Variants in IAH1 observed in about 807,000 individuals in gnomAD.
IAH1 encodes the protein isoamyl acetate-hydrolyzing esterase 1 homolog.
IAH1 carries 24 observed loss-of-function variants against 26.7 expected under a neutral mutation model. That is an observed-to-expected ratio of 0.90 (90% CI 0.65 to 1.26). The LOEUF is 1.26. Ranked by LOEUF, IAH1 falls within the 50% of genes most tolerant of loss-of-function variation. The pLI, the probability that IAH1 is intolerant of heterozygous loss-of-function variation, is 0.00. For synonymous variants in IAH1, 140 were observed against 118.5 expected (o/e 1.18, Z -1.18); for missense variants, 300 against 299.9 (o/e 1.00, Z 0.00).
chr2:9,475,047 C>A, intron 1 of IAH1: 9 of 1,162,726 alleles, frequency 7.7e-6, no homozygotes, highest in Non-Finnish European at 9.8e-6. Context: ...CCGCGGCCAG[C>A]TCCGGGCAGA....
chr2:9,510,769 C>T, the IAH1 span, among the ~76,000 whole-genome samples: 1 of 151,736 alleles, frequency 6.6e-6, no homozygotes, highest in Non-Finnish European at 1.5e-5. Flanking sequence ...GAGGCTGAGG[C>T]TACAGTGATC....
At chr2:9,474,457 CA>C, upstream of IAH1, 2 of 558,816 alleles carry the variant, frequency 3.6e-6, no homozygotes, top group Non-Finnish European at 2.9e-6. The surrounding 1 kb of genome is among the most constrained non-coding windows in gnomAD (Gnocchi z 4.3). Flanking sequence ...CGCGCGTCAC[CA>C]AAGTGACTGC....
intron 3 of IAH1, among the ~76,000 whole-genome samples, chr2:9,480,331 T>C (rs1661095637): frequency 6.6e-6 from 1 of 152,118 alleles, no homozygotes; most frequent in Non-Finnish European, 1.5e-5. Flanking sequence ...AGTGAGACTC[T>C]GTCTCAATAA....
chr2:9,475,951 G>T (rs781493527), intron 1 of IAH1, 36 bp from the exon 2 acceptor site: 9 of 1,592,002 alleles, frequency 5.7e-6, no homozygotes, highest in Non-Finnish European at 6.9e-6. Flanking sequence ...CCCGGTTACA[G>T]TCATTAGTAG....
chr2:9,488,120 C>T, intron 5 of IAH1, 27 bp from the exon 6 acceptor site: 2 of 1,547,576 alleles, frequency 1.3e-6, no homozygotes, highest in Non-Finnish European at 1.7e-6. Flanking sequence ...CAGTTACCCA[C>T]CTTTAACCGA....
chr2:9,487,432 CAT>C (rs981738201), intron 5 of IAH1: 4 of 152,090 alleles, frequency 2.6e-5, no homozygotes, highest in African/African-American at 9.7e-5. Flanking sequence ...CCAAATTTTT[CAT>C]TTTTGCTGAT....
chr2:9,495,779 G>A (rs868813876), intron 6 of IAH1, among the ~76,000 whole-genome samples: 1 of 150,134 alleles, frequency 6.7e-6, no homozygotes, highest in Non-Finnish European at 1.5e-5. Context: ...CTTTTACTGT[G>A]TCGGGCTCTG....
the IAH1 span, chr2:9,509,941 T>C: frequency 1.9e-6 from 3 of 1,610,396 alleles, no homozygotes; most frequent in South Asian, 1.1e-5. Context: ...ACACAGCCTC[T>C]TTCCAAACCA....
chr2:9,475,823 C>A, intron 1 of IAH1, 164 bp from the exon 2 acceptor site: 1 of 633,812 alleles, frequency 1.6e-6, no homozygotes, highest in Non-Finnish European at 2.9e-6. Context: ...TGCTAAAGTG[C>A]TGCCAGGTGT....
chr2:9,493,100 C>CTGCTCTCGG, downstream of IAH1: 1 of 795,204 alleles, frequency 1.3e-6, no homozygotes, highest in Non-Finnish European at 2.0e-6. Flanking sequence ...GCTAGACATA[C>CTGCTCTCGG]TACCGAGAGC....
At chr2:9,499,624 G>A (rs200309188), downstream of IAH1, among the ~76,000 whole-genome samples, 9 of 152,180 alleles carry the variant, frequency 5.9e-5, no homozygotes, top group East Asian at 9.7e-4. Context: ...GGATGGTCTC[G>A]ATCTCCTGAT....
chr2:9,498,130 G>A (rs1045586520), downstream of IAH1, among the ~76,000 whole-genome samples: 34 of 152,212 alleles, frequency 2.2e-4, no homozygotes, highest in African/African-American at 5.8e-4. Context: ...CCTAGGTTCC[G>A]GCAATCCTCC....
chr2:9,502,812 G>C, the IAH1 span, among the ~76,000 whole-genome samples: 1 of 147,116 alleles, frequency 6.8e-6, no homozygotes, highest in African/African-American at 2.6e-5. Flanking sequence ...CCCGGAGACA[G>C]AGGTTGCAGT....
downstream of IAH1, chr2:9,493,709 A>G: frequency 6.4e-7 from 1 of 1,551,110 alleles, no homozygotes; most frequent in Non-Finnish European, 8.9e-7. Context: ...ACAGAAATTG[A>G]CTCAGCTCTC....
chr2:9,504,285 A>G, the IAH1 span, among the ~76,000 whole-genome samples: 2 of 148,932 alleles, frequency 1.3e-5, no homozygotes, highest in Non-Finnish European at 3.0e-5. Flanking sequence ...TCTCTACTAA[A>G]ATACAAAAAA....
chr2:9,501,415 C>A (rs1662997231), downstream of IAH1, among the ~76,000 whole-genome samples: 1 of 152,118 alleles, frequency 6.6e-6, no homozygotes, highest in South Asian at 2.1e-4. Flanking sequence ...TGTGACTACA[C>A]AATGACACTC....
intron 6 of IAH1, chr2:9,494,915 A>G (rs1406842510): frequency 1.1e-6 from 1 of 919,462 alleles, no homozygotes; most frequent in Non-Finnish European, 1.6e-6. Flanking sequence ...CATAGCCCCC[A>G]CCAAGGAGTA....
the IAH1 span, among the ~76,000 whole-genome samples, chr2:9,512,061 T>C: frequency 1.3e-5 from 2 of 151,878 alleles, no homozygotes; most frequent in African/African-American, 4.8e-5. Flanking sequence ...GGGAAATCAC[T>C]CCATAGAACC....
downstream of IAH1, among the ~76,000 whole-genome samples, chr2:9,491,926 C>A (rs937459730): frequency 6.6e-6 from 1 of 152,214 alleles, no homozygotes; most frequent in Non-Finnish European, 1.5e-5. Flanking sequence ...TAGAAGCAAT[C>A]GTGATGGATG....
Sources: allele counts gnomAD v4.1 joint callset (sites outside exome capture counted in the v4.1 genomes callset), GRCh38; gene constraint gnomAD v4.1.1; non-coding constraint Gnocchi (gnomAD v3.1); transcripts MANE v1.5; gene names NCBI Gene and HGNC (gene_info 2026-07-23, HGNC 2026-07-21).